EP300: variants seen among roughly 807,000 people sequenced by gnomAD.
The protein encoded by EP300 is EP300 lysine acetyltransferase, also known as histone acetyltransferase p300.
A neutral mutation model predicts 264.0 loss-of-function variants in EP300; 31 were observed. The observed-to-expected ratio is 0.12, with a 90% CI of 0.09 to 0.16. The LOEUF (loss-of-function observed/expected upper bound fraction) is 0.16, where lower values mean the gene tolerates loss of function less well. Ranked by LOEUF, EP300 falls within the 10% of genes least tolerant of loss-of-function variation. The pLI, the probability that EP300 is intolerant of heterozygous loss-of-function variation, is 1.00. For synonymous variants in EP300, 1,340 were observed against 1,045.4 expected, an observed-to-expected ratio of 1.28 and a Z score of -5.44; for missense variants, 2,766 against 3,052.9, an observed-to-expected ratio of 0.91 and a Z score of 2.21.
Position 41,178,756 on chromosome 22 carries a change from C to G in EP300, c.7045C>G (p.Pro2349Ala), listed in dbSNP as rs760818192. 4 of 1,614,082 alleles carry G rather than the reference C, an allele frequency of 2.5e-6. No individual in the cohort carries two copies. The African/African-American group carries it at 5.3e-5, about 22-fold the overall frequency. Residue 2349 changes from proline to alanine, a missense_variant, in exon 31 of 31, where the codon CCT (proline) becomes GCT (alanine). Physicochemically the swap from Pro to Ala is conservative, Grantham distance 27. Transcript: ENST00000263253. ...HVSPQTSSPH[P>A]GLVAAQANPM... ...TTCCCCACAGACAAGTTCCCCACATCCTGGACTGGTAGCTGCCCAGGCCAA... is the reference window on the plus strand; with the variant it reads ...TTCCCCACAGACAAGTTCCCCACATGCTGGACTGGTAGCTGCCCAGGCCAA...
At chr22:41,151,710 G>GAATA (rs2059046475) in intron 14 of EP300, 123 bp from the exon 15 acceptor site, 1 of 972,544 alleles carries the variant, frequency 1.0e-6, no homozygotes, top group African/African-American at 1.6e-5. Flanking sequence ...AAAGCACCAT[G>GAATA]AATAAATATA....
chr22:41,175,402 T>C (rs1019964954), intron 29 of EP300, among the ~76,000 whole-genome samples: 6 of 152,376 alleles, frequency 3.9e-5, no homozygotes, highest in Non-Finnish European at 8.8e-5. Flanking sequence ...TTTATAGTTA[T>C]ATACTAATTA....
intron 6 of EP300, among the ~76,000 whole-genome samples, chr22:41,133,439 C>T (rs2058932190): frequency 6.6e-6 from 1 of 152,164 alleles, no homozygotes; most frequent in Non-Finnish European, 1.5e-5. Context: ...ACATGAACCA[C>T]TGTGCCTGAC....
chr22:41,170,723 A>G, intron 27 of EP300, 152 bp downstream of exon 27: 3 of 855,736 alleles, frequency 3.5e-6, no homozygotes, highest in South Asian at 1.7e-5. Flanking sequence ...GTGCAGTGAC[A>G]CGATTTTGGC....
intron 19 of EP300, 151 bp from the exon 20 acceptor site, chr22:41,160,491 T>TTGG (rs2059102189): frequency 1.5e-6 from 1 of 685,262 alleles, no homozygotes; most frequent in Admixed American, 2.2e-5. Flanking sequence ...CCCATATATC[T>TTGG]GCATCATTGA....
In EP300 at chr22:41,160,644, A is replaced by G. The variant is rs2145752320; in HGVS notation, c.3593A>G (p.Tyr1198Cys). Residue 1198 changes from tyrosine (Y) to cysteine (C), a missense_variant and splice_region_variant, in exon 20 of 31, where the codon TAT becomes TGT. Transcript: ENST00000263253. The part of the protein sequence containing the change: ...DATYYSYQNR[Y>C]HFCEKCFNEI... ...CAGTATGGCCTTCTTGCCGACAGGTATCATTTCTGTGAGAAGTGTTTCAAT... is the reference window on the plus strand; with the variant it reads ...CAGTATGGCCTTCTTGCCGACAGGTGTCATTTCTGTGAGAAGTGTTTCAAT... The G allele has an allele frequency of 6.2e-7, 1 of 1,613,948 alleles. No homozygotes were observed. Among genetic ancestry groups the G allele is most frequent in the Non-Finnish European group, 8.5e-7 (1 of 1,179,882 alleles).
chr22:41,151,867 T>A lies in EP300; in HGVS notation c.2852T>A (p.Val951Glu), dbSNP rs2145739792. ...CCAGCTGTAAGCATTGAAGGACAGG[T>A]ATCAAATCCTCCATCTACTAGTAGC... ...SQPAVSIEGQ[V>E]SNPPSTSSTE... The change falls in exon 15 of 31, where the codon GTA becomes GAA. Residue 951 changes from valine to glutamate, a missense_variant. Transcript: ENST00000263253. 1 of 1,614,126 alleles carries A rather than the reference T, an allele frequency of 6.2e-7. No homozygotes were observed. The highest frequency in any genetic ancestry group is 8.5e-7 in the Non-Finnish European group (1 of 1,180,032).
Position 41,179,447 on chromosome 22 carries a change from TATATATATAA to T in EP300, c.*510_*519del, listed in dbSNP as rs745323176. 7.2e-4 allele frequency: 120 copies of T among 165,834 alleles called. No homozygotes were observed. Among genetic ancestry groups the T allele is most frequent in the Non-Finnish European group, 1.0e-3 (80 of 78,008 alleles). The allele number at this position is 165,834 out of a possible 1,614,324, so 10.3% of individuals were successfully genotyped here. A position where few individuals can be genotyped will look rare whatever the true frequency, so the allele number is the denominator to read the frequency against. On this transcript the variant is annotated 3_prime_UTR_variant, in exon 31 of 31. Transcript: ENST00000263253. ...AATGTTACTTTAAAATTACATTCTATATATATATAAATATATATAAATATATATTAAAATA... is the reference window on the plus strand; with the variant it reads ...AATGTTACTTTAAAATTACATTCTATATATATATAAATATATATTAAAATA...
At chr22:41,132,088 C>T (rs1362033237) in intron 6 of EP300, among the ~76,000 whole-genome samples, 2 of 150,876 alleles carry the variant, frequency 1.3e-5, no homozygotes, top group Admixed American at 6.6e-5. Context: ...CCTAGCTACA[C>T]GAGAGGCTGA....
chr22:41,097,993 TA>T (rs1257611989), intron 1 of EP300, among the ~76,000 whole-genome samples: 7 of 140,552 alleles, frequency 5.0e-5, no homozygotes, highest in East Asian at 1.9e-4. Flanking sequence ...CGCGCCCAGC[TA>T]AAAATTTTTT....
chr22:41,123,610 C>T (rs895218734), intron 2 of EP300, among the ~76,000 whole-genome samples: 2 of 152,154 alleles, frequency 1.3e-5, no homozygotes, highest in African/African-American at 4.8e-5. Flanking sequence ...TCTTAGCAGA[C>T]AGAAATCTGG....
chr22:41,137,511 A>ACTTCT (rs1772829057), intron 7 of EP300, 142 bp from the exon 8 acceptor site: 1 of 1,096,720 alleles, frequency 9.1e-7, no homozygotes, highest in Admixed American at 2.0e-5. Flanking sequence ...CTAGTCACAC[A>ACTTCT]CTTCTCCCTG....
At position 41,127,416 on chromosome 22, in the gene EP300, T is replaced by C. The variant is rs149582541; in HGVS notation, c.907-71T>C. 4.3e-4 allele frequency: 689 copies of C among 1,590,394 alleles called. 6 individuals are homozygous for C. The East Asian group carries it at 0.014, about 33-fold the overall frequency. ...ACCATAAAGGTTTTCATTGAAAATATCCACATCTCTATTTATTAAGAAATA... is the reference window on the plus strand; with the variant it reads ...ACCATAAAGGTTTTCATTGAAAATACCCACATCTCTATTTATTAAGAAATA... On this transcript the variant is annotated intron_variant, in intron 3 of 30. Transcript: ENST00000263253.
intron 1 of EP300, among the ~76,000 whole-genome samples, chr22:41,097,659 A>G (rs2058709531): frequency 6.6e-6 from 1 of 152,220 alleles, no homozygotes; most frequent in Non-Finnish European, 1.5e-5. Context: ...AAAGTAAAAG[A>G]TGCTAGTTTT....
Position 41,151,894 on chromosome 22 carries a change from C to T in EP300, c.2879C>T (p.Thr960Ile). 6.2e-7 allele frequency: 1 copy of T among 1,614,104 alleles called. No individual in the cohort carries two copies. Among genetic ancestry groups the T allele is most frequent in the Non-Finnish European group, 8.5e-7 (1 of 1,180,014 alleles). The change falls in exon 15 of 31, where the codon ACA (threonine) becomes ATA (isoleucine). Residue 960 changes from threonine to isoleucine, a missense_variant. Physicochemically the swap from Thr to Ile is moderately conservative, Grantham distance 89. Coordinates refer to ENST00000263253, the MANE Select transcript of EP300 (RefSeq NM_001429.4). ...QVSNPPSTSS[T>I]EVNSQAIAEK... ...TCAAATCCTCCATCTACTAGTAGCA[C>T]AGAAGTGAATTCTCAGGCCATTGCT...
Position 41,178,114 on chromosome 22 carries a change from C to T in EP300, c.6403C>T (p.Pro2135Ser). ...CAATCCAGCCATGCAGAACATGAATCCAATGCAGGCGGGCGTTCAGAGGGC... is the reference window on the plus strand; with the variant it reads ...CAATCCAGCCATGCAGAACATGAATTCAATGCAGGCGGGCGTTCAGAGGGC... The part of the protein sequence containing the change: ...HSNPAMQNMN[P>S]MQAGVQRAGL... Residue 2135 changes from proline (P) to serine (S), a missense_variant, in exon 31 of 31, where the codon CCA (proline) becomes TCA (serine). By Grantham distance (74) the Pro-to-Ser change is moderately conservative. Coordinates refer to ENST00000263253, the MANE Select transcript of EP300 (RefSeq NM_001429.4). 5 of 1,614,142 alleles carry T rather than the reference C, an allele frequency of 3.1e-6. No homozygotes were observed. Among genetic ancestry groups the T allele is most frequent in the Non-Finnish European group, 4.2e-6 (5 of 1,180,008 alleles).
intron 1 of EP300, among the ~76,000 whole-genome samples, chr22:41,107,079 G>C (rs1387048766): frequency 6.6e-6 from 1 of 151,828 alleles, no homozygotes; most frequent in African/African-American, 2.4e-5. Flanking sequence ...GCTCATTTTT[G>C]TATTTTTAGT....
At chr22:41,099,567 A>C (rs2058720021) in intron 1 of EP300, among the ~76,000 whole-genome samples, 1 of 152,328 alleles carries the variant, frequency 6.6e-6, no homozygotes, top group South Asian at 2.1e-4. Context: ...CAGCAAAACT[A>C]TCACGAATTT....
chr22:41,131,738 T>C, intron 6 of EP300, 105 bp downstream of exon 6: 2 of 1,543,832 alleles, frequency 1.3e-6, no homozygotes. Flanking sequence ...TACATGATTT[T>C]TTAAGTAATT....
Sources: gnomAD v4.1 joint callset for allele counts (sites outside exome capture counted in the v4.1 genomes callset) on GRCh38, gnomAD v4.1.1 for gene constraint, MANE v1.5 for transcripts, NCBI Gene and HGNC (gene_info 2026-07-23, HGNC 2026-07-21) for gene names.